Variants in GPLD1 observed in about 807,000 individuals in gnomAD.
GPLD1 encodes phosphatidylinositol-glycan-specific phospholipase D.
GPLD1 carries 84 observed loss-of-function variants against 112.6 expected under a neutral mutation model. The observed-to-expected ratio is 0.75, with a 90% CI of 0.63 to 0.89. The LOEUF is 0.89. Among genes scored for constraint, GPLD1 ranks in the 40% least tolerant of loss-of-function variants. The probability of loss-of-function intolerance (pLI) is 0.00; values close to 1 mark genes in which losing one functional copy is unlikely to be tolerated. For missense variants in GPLD1, 1,044 were observed against 1,051.5 expected, an observed-to-expected ratio of 0.99 and a Z score of 0.10; for synonymous variants, 386 against 403.8, an observed-to-expected ratio of 0.96 and a Z score of 0.53.
At chr6:24,489,734 G>T, upstream of GPLD1, 1 of 636,484 alleles carries the variant, frequency 1.6e-6, no homozygotes, top group Non-Finnish European at 2.5e-6. Context: ...TGCTCCTGGG[G>T]GGTGGGGTTG....
rs376492429 is a variant in GPLD1 at position 24,476,135 on chromosome 6, G to T, written c.330+46C>A. ...AATGCGGGTGCAAACACAGTGCATG[G>T]CAGGTTTGGTGCTAAATATTTTAAG... On this transcript the variant is annotated intron_variant, in intron 4 of 24. Transcript: ENST00000230036. 1.1e-5 allele frequency: 11 copies of T among 1,028,958 alleles called. No individual in the cohort carries two copies. The African/African-American group carries it at 1.3e-4, about 12-fold the overall frequency. 63.7% of individuals were successfully genotyped at this position (1,028,958 alleles called of 1,614,324 possible). A position where few individuals can be genotyped will look rare whatever the true frequency, so the allele number is the denominator to read the frequency against.
chr6:24,472,840 A>C (rs1275894858), intron 6 of GPLD1, among the ~76,000 whole-genome samples: 1 of 150,136 alleles, frequency 6.7e-6, no homozygotes, highest in East Asian at 2.0e-4. Flanking sequence ...CAATGGCGTG[A>C]TCTCGGCTCA....
intron 1 of GPLD1, among the ~76,000 whole-genome samples, chr6:24,488,373 C>G (rs1185435919): frequency 6.6e-6 from 1 of 150,982 alleles, no homozygotes; most frequent in East Asian, 2.0e-4. Context: ...GATTGCGCCA[C>G]TGCACTCCAG....
At chr6:24,484,467 T>C (rs569387228) in intron 2 of GPLD1, among the ~76,000 whole-genome samples, 4 of 152,204 alleles carry the variant, frequency 2.6e-5, no homozygotes, top group Non-Finnish European at 4.4e-5. Flanking sequence ...CCACCCACCT[T>C]GGCCTCCCAA....
At chr6:24,476,073 T>C (rs1001788842) in intron 4 of GPLD1, 108 bp downstream of exon 4, 2 of 628,654 alleles carry the variant, frequency 3.2e-6, no homozygotes. Flanking sequence ...GAAGGTGGAA[T>C]GGTGGGCAGC....
At chr6:24,456,026 T>A (rs868031985) in intron 13 of GPLD1, among the ~76,000 whole-genome samples, 40 of 151,746 alleles carry the variant, frequency 2.6e-4, no homozygotes, top group South Asian at 1.3e-3. Context: ...GAAAAAAAAA[T>A]TTTTTTAATC....
chr6:24,438,198 G>A (rs927743938), intron 20 of GPLD1, among the ~76,000 whole-genome samples: 3 of 152,230 alleles, frequency 2.0e-5, no homozygotes, highest in Admixed American at 6.5e-5. Flanking sequence ...ATGCGGTCAC[G>A]TCTCTGTCTC....
chr6:24,456,169 C>T (rs768808020), intron 13 of GPLD1, among the ~76,000 whole-genome samples: 5 of 152,084 alleles, frequency 3.3e-5, no homozygotes, highest in Non-Finnish European at 5.9e-5. Flanking sequence ...GAGGCCAAGG[C>T]GGGAAGATCA....
At chr6:24,451,341 G>GT (rs2061876153) in intron 14 of GPLD1, among the ~76,000 whole-genome samples, 2 of 148,928 alleles carry the variant, frequency 1.3e-5, no homozygotes, top group South Asian at 2.1e-4. Context: ...TCTTTTTTTT[G>GT]TTTTTGTTTT....
chr6:24,424,886 A>T (rs1762175797), downstream of GPLD1: 1 of 152,232 alleles, frequency 6.6e-6, no homozygotes, highest in Admixed American at 6.5e-5. Context: ...TAGGAATAAA[A>T]ATGTTACTCC....
intron 10 of GPLD1, among the ~76,000 whole-genome samples, chr6:24,465,034 A>G (rs547241459): frequency 1.8e-4 from 28 of 151,838 alleles, no homozygotes; most frequent in African/African-American, 6.3e-4. Flanking sequence ...CTGTCTCTAC[A>G]AAAAATACAA....
chr6:24,458,635 T>C (rs1322311401), intron 12 of GPLD1, among the ~76,000 whole-genome samples: 4 of 152,122 alleles, frequency 2.6e-5, no homozygotes, highest in Non-Finnish European at 4.4e-5. Flanking sequence ...TCCCAGCACT[T>C]TGGGAGGCCC....
rs1156587435 is a variant in GPLD1 at position 24,454,023 on chromosome 6, C to T, written c.1327G>A (p.Gly443Ser). ...ATGAGATGGTGTCTCACCTGGAAGCCTTCAAGGATCCTGTGGGCCTCCTTG... is the reference window on the plus strand; with the variant it reads ...ATGAGATGGTGTCTCACCTGGAAGCTTTCAAGGATCCTGTGGGCCTCCTTG... ...LDKEAHRILE[G>S]FQPSGRFGSA... Residue 443 changes from glycine to serine, a missense_variant, in exon 14 of 25, where the codon GGC becomes AGC. Gly to Ser is a moderately conservative substitution (Grantham distance 56). Coordinates refer to ENST00000230036, the MANE Select transcript of GPLD1 (RefSeq NM_001503.4). The T allele has an allele frequency of 1.9e-6, 3 of 1,608,412 alleles. No homozygotes were observed. In the South Asian group the frequency reaches 3.3e-5, roughly 18 times the overall value.
exon 1 of GPLD1, chr6:24,495,147 C>G: frequency 2.1e-6 from 3 of 1,421,812 alleles, no homozygotes; most frequent in Non-Finnish European, 2.7e-6. Flanking sequence ...CGCTGGGCGC[C>G]TGGCGGGCCT....
chr6:24,488,628 T>TG (rs75702045), intron 1 of GPLD1, among the ~76,000 whole-genome samples: 248 of 151,826 alleles, frequency 1.6e-3, no homozygotes, highest in East Asian at 2.5e-3. Context: ...GGTAGCTATG[T>TG]GGGGGGGGCG....
In GPLD1 at chr6:24,479,898, G is replaced by C. The variant is rs529948688; in HGVS notation, c.215C>G (p.Pro72Arg). ...CATCTTACCTCCTTTGCAGATGCTA[G>C]GGTAAAAACAATCAGGAAACACGAT... ...AGIVFPDCFY[P>R]SICKGGKFHD... Residue 72 changes from proline to arginine, a missense_variant, in exon 3 of 25, where the codon CCT (proline) becomes CGT (arginine). By Grantham distance (103) the Pro-to-Arg change is moderately radical. Coordinates refer to ENST00000230036, the MANE Select transcript of GPLD1 (RefSeq NM_001503.4). 23 of 1,605,012 alleles carry C rather than the reference G, an allele frequency of 1.4e-5. No homozygotes were observed. Among genetic ancestry groups the C allele is most frequent in the South Asian group, 2.2e-5 (2 of 90,902 alleles).
intron 11 of GPLD1, among the ~76,000 whole-genome samples, chr6:24,461,132 G>T (rs200768903): frequency 6.6e-6 from 1 of 152,024 alleles, no homozygotes; most frequent in East Asian, 1.9e-4. Flanking sequence ...CAGCCAAAAA[G>T]CAGATGACTC....
intron 14 of GPLD1, among the ~76,000 whole-genome samples, chr6:24,453,795 C>A (rs1243748213): frequency 1.3e-5 from 2 of 151,846 alleles, no homozygotes; most frequent in African/African-American, 2.4e-5. Context: ...AAGCAGTTCT[C>A]AATAGCATGT....
intron 2 of GPLD1, among the ~76,000 whole-genome samples, chr6:24,481,302 T>G (rs1764193748): frequency 6.6e-6 from 1 of 152,050 alleles, no homozygotes; most frequent in African/African-American, 2.4e-5. Context: ...TGAACTCTGA[T>G]GGACACACTG....
Sources: allele counts gnomAD v4.1 joint callset (sites outside exome capture counted in the v4.1 genomes callset), GRCh38; gene constraint gnomAD v4.1.1; transcripts MANE v1.5; gene names NCBI Gene and HGNC (gene_info 2026-07-23, HGNC 2026-07-21).